FHAD1: variants seen among roughly 807,000 people sequenced by gnomAD.
The protein encoded by FHAD1 is forkhead-associated domain-containing protein 1.
Under a neutral mutation model 191.3 loss-of-function variants are expected in FHAD1, and 146 were observed. That is an observed-to-expected ratio of 0.76 (90% CI 0.67 to 0.88). The LOEUF (loss-of-function observed/expected upper bound fraction) is 0.88. Ranked by LOEUF, FHAD1 falls within the 40% of genes least tolerant of loss-of-function variation. The pLI, the probability that FHAD1 is intolerant of heterozygous loss-of-function variation, is 0.00. For synonymous variants in FHAD1, 616 were observed against 672.3 expected, an observed-to-expected ratio of 0.92 and a Z score of 1.29; for missense variants, 1,635 against 1,785.8, an observed-to-expected ratio of 0.92 and a Z score of 1.52.
At chr1:15,398,938 A>G (rs1327233080), downstream of FHAD1, among the ~76,000 whole-genome samples, 1 of 151,798 alleles carries the variant, frequency 6.6e-6, no homozygotes, top group Non-Finnish European at 1.5e-5. Context: ...CTTCAGCCTC[A>G]GCCTCCTAAG....
At chr1:15,343,128 C>T (rs901404370) in intron 16 of FHAD1, among the ~76,000 whole-genome samples, 1 of 152,152 alleles carries the variant, frequency 6.6e-6, no homozygotes, top group African/African-American at 2.4e-5. Flanking sequence ...AGGGACCCCT[C>T]CCATGAATTT....
chr1:15,380,928 C>T lies in FHAD1; in HGVS notation c.3801+132C>T, dbSNP rs1322765868. ...TACTCTAATAACTCTGCAGGACCTA[C>T]CTACTATCCCAGCATGGGTCAGGAA... is the stretch of plus-strand genomic sequence containing the variant. On this transcript the variant is annotated intron_variant, in intron 29 of 33. Transcript: ENST00000688493. The T allele has an allele frequency of 7.4e-6, 5 of 679,014 alleles. No individual in the cohort carries two copies. In the Admixed American group the frequency reaches 1.1e-4, roughly 15 times the overall value. The allele number at this position is 679,014 out of a possible 1,614,324, so 42.1% of individuals were successfully genotyped here.
chr1:15,373,362 AT>A (rs1014990686), intron 26 of FHAD1, among the ~76,000 whole-genome samples: 2 of 152,094 alleles, frequency 1.3e-5, no homozygotes, highest in African/African-American at 4.8e-5. Flanking sequence ...CACACAAAAA[AT>A]TAGCTGAGCG....
At chr1:15,321,424 CA>C (rs1558103191) in intron 10 of FHAD1, among the ~76,000 whole-genome samples, 1 of 152,040 alleles carries the variant, frequency 6.6e-6, no homozygotes, top group Non-Finnish European at 1.5e-5. Context: ...TTCAACTTAC[CA>C]AAATTCAATA....
rs773652186 is a variant in FHAD1, at chr1:15,251,805, C to T, written c.21C>T (p.Ser7=). The change falls in exon 2 of 34, where the codon AGC becomes AGT. Residue 7 remains serine (S), a synonymous_variant. Coordinates refer to ENST00000688493, the MANE Select transcript of FHAD1 (RefSeq NM_001391957.1). ...AGAGGATGAAGGCCTATCTAAAGAG[C>T]GCAGAAGGCTTTTTTGTCCTAAATA... MKAYLK[S]AEGFFVLNKS... is the part of the protein sequence containing the mutation. 24 of 1,551,880 alleles carry T rather than the reference C, an allele frequency of 1.5e-5. No individual in the cohort carries two copies. The highest frequency in any genetic ancestry group is 2.4e-5 in the East Asian group (1 of 40,920).
At position 15,312,974 on chromosome 1, in the gene FHAD1, C is replaced by T. The variant is rs574413140; in HGVS notation, c.1040-83C>T. The T allele has an allele frequency of 1.3e-6, 2 of 1,509,572 alleles. No homozygotes were observed. The highest frequency in any genetic ancestry group is 4.1e-5 in the Admixed American group (2 of 48,886). The allele number at this position is 1,509,572 out of a possible 1,614,324, so 93.5% of individuals were successfully genotyped here. A position where few individuals can be genotyped will look rare whatever the true frequency, so the allele number is the denominator to read the frequency against. On this transcript the variant is annotated intron_variant, in intron 7 of 33. Coordinates refer to ENST00000688493, the MANE Select transcript of FHAD1 (RefSeq NM_001391957.1). This position sits in a 1 kb window ranked among gnomAD's most constrained non-coding sequence, Gnocchi z 4.7. ...AGACACCTCCCTTCTCAGTGCCAGG[C>T]TCGTCACAAACTGGTTGACAGCGGC...
At chr1:15,317,176 G>GC (rs1674719590) in intron 9 of FHAD1, among the ~76,000 whole-genome samples, 1 of 152,212 alleles carries the variant, frequency 6.6e-6, no homozygotes, top group South Asian at 2.1e-4. Flanking sequence ...GGGCAACAGA[G>GC]CGAGACTCTG....
At chr1:15,382,234 C>CT (rs1161745322) in intron 31 of FHAD1, 41 bp downstream of exon 31, 1 of 1,539,662 alleles carries the variant, frequency 6.5e-7, no homozygotes, top group South Asian at 1.2e-5. Context: ...CCAGGCTGCC[C>CT]TGCAGCTCCC....
chr1:15,324,049 C>T (rs1206655196), intron 10 of FHAD1, among the ~76,000 whole-genome samples: 1 of 152,174 alleles, frequency 6.6e-6, no homozygotes. Flanking sequence ...ACTTATAGAG[C>T]CCTTACGAAG....
chr1:15,246,908 G>A (rs1209343214), upstream of FHAD1, among the ~76,000 whole-genome samples: 1 of 152,112 alleles, frequency 6.6e-6, no homozygotes, highest in African/African-American at 2.4e-5. Context: ...GGTCTCATGA[G>A]TTCAGCTCCA....
At chr1:15,314,994 T>C (rs1673848304) in intron 8 of FHAD1, 1 of 151,778 alleles carries the variant, frequency 6.6e-6, no homozygotes, top group Admixed American at 6.6e-5. Flanking sequence ...GCCCACGAAG[T>C]GCATTTGGGT....
chr1:15,398,948 G>A (rs746179595), downstream of FHAD1, among the ~76,000 whole-genome samples: 17 of 151,930 alleles, frequency 1.1e-4, no homozygotes, highest in Non-Finnish European at 2.1e-4. Context: ...AGCCTCCTAA[G>A]TAGCTGGGAT....
intron 2 of FHAD1, among the ~76,000 whole-genome samples, chr1:15,267,548 T>C (rs1654058287): frequency 6.6e-6 from 1 of 152,068 alleles, no homozygotes. Context: ...TCCTTAAATG[T>C]CTGATAGAAT....
rs1016131625 is a variant in FHAD1 at position 15,325,393 on chromosome 1, G to T, written c.1473+834G>T. Reference sequence around the variant, plus strand: ...ATGTCTCCCACTGGGTTCTCAGGAGGGTCTGTGAACTACCAAGAAAGGTTA... The same window carrying T: ...ATGTCTCCCACTGGGTTCTCAGGAGTGTCTGTGAACTACCAAGAAAGGTTA... On this transcript the variant is annotated intron_variant, in intron 11 of 33. Transcript: ENST00000688493. This position sits in a 1 kb window ranked among gnomAD's most constrained non-coding sequence, Gnocchi z 4.6. 3 of 152,200 alleles carry T rather than the reference G, an allele frequency of 2.0e-5. No individual in the cohort carries two copies. The highest frequency in any genetic ancestry group is 4.8e-5 in the African/African-American group (2 of 41,352). The allele number at this position is 152,200 out of a possible 1,614,324, so 9.4% of individuals were successfully genotyped here. A position where few individuals can be genotyped will look rare whatever the true frequency, so the allele number is the denominator to read the frequency against.
chr1:15,383,350 C>T (rs1431744606), intron 31 of FHAD1: 2 of 423,540 alleles, frequency 4.7e-6, no homozygotes, highest in South Asian at 1.7e-5. Context: ...CACTGCCTTC[C>T]CCATGCTGCC....
chr1:15,293,456 A>C (rs1302927007), intron 4 of FHAD1, among the ~76,000 whole-genome samples: 6 of 152,188 alleles, frequency 3.9e-5, no homozygotes, highest in Admixed American at 6.5e-5. Flanking sequence ...GCGGTGGCTC[A>C]TGCCTGTAAT....
chr1:15,379,652 A>G (rs1470922150), intron 28 of FHAD1, among the ~76,000 whole-genome samples: 3 of 152,254 alleles, frequency 2.0e-5, no homozygotes, highest in African/African-American at 4.8e-5. Context: ...ACCTTGGACA[A>G]TACCTGGCTT....
Position 15,397,435 on chromosome 1 carries a change from C to A in FHAD1, c.*22C>A. The A allele has an allele frequency of 1.6e-6, 2 of 1,246,396 alleles. No homozygotes were observed. The highest frequency in any genetic ancestry group is 2.2e-6 in the Non-Finnish European group (2 of 890,710). 77.2% of individuals were successfully genotyped at this position (1,246,396 alleles called of 1,614,324 possible). ...CTAGAGAAACCTCGTCCCACCAGGCCTCATGTGATCCTCTGTGAGTTCATG... is the reference window on the plus strand; with the variant it reads ...CTAGAGAAACCTCGTCCCACCAGGCATCATGTGATCCTCTGTGAGTTCATG... On this transcript the variant is annotated 3_prime_UTR_variant, in exon 34 of 34. Transcript: ENST00000688493.
chr1:15,269,915 CTTTTT>C (rs144971337), intron 2 of FHAD1, among the ~76,000 whole-genome samples: 1 of 123,088 alleles, frequency 8.1e-6, no homozygotes, highest in Non-Finnish European at 1.7e-5. Flanking sequence ...TTATGGCTCT[CTTTTT>C]TTTTTTTTTT....
Sources: allele counts gnomAD v4.1 joint callset (sites outside exome capture counted in the v4.1 genomes callset), GRCh38; gene constraint gnomAD v4.1.1; non-coding constraint Gnocchi (gnomAD v3.1); transcripts MANE v1.5; gene names NCBI Gene and HGNC (gene_info 2026-07-23, HGNC 2026-07-21).